EXT1: variants seen among roughly 807,000 people sequenced by gnomAD.
EXT1 encodes the protein exostosin glycosyltransferase 1.
Under a neutral mutation model 82.5 loss-of-function variants are expected in EXT1, and 20 were observed. The observed-to-expected ratio is 0.24, with a 90% CI of 0.17 to 0.35. The LOEUF is 0.35. Among genes scored for constraint, EXT1 ranks in the 10% least tolerant of loss-of-function variants. The pLI is 1.00. For synonymous variants in EXT1, 348 were observed against 350.8 expected, an observed-to-expected ratio of 0.99 and a Z score of 0.09; for missense variants, 757 against 936.5, an observed-to-expected ratio of 0.81 and a Z score of 2.50.
chr8:117,993,846 A>G (rs1467017172), intron 1 of EXT1, among the ~76,000 whole-genome samples: 4 of 152,222 alleles, frequency 2.6e-5, no homozygotes, highest in Non-Finnish European at 5.9e-5. Context: ...TAAAGAAGCC[A>G]AAGTGACAGG....
In EXT1 at chr8:118,035,053, A is replaced by C. The variant is rs570980246; in HGVS notation, c.962+75032T>G. ...AATATATTAAGCACCATGTTAAAAC[A>C]GAGTGTTGCAAAAGGGTCTTAACAG... is the stretch of plus-strand genomic sequence containing the variant. On this transcript the variant is annotated intron_variant, in intron 1 of 10. Transcript: ENST00000378204. 2.0e-5 allele frequency among the ~76,000 whole-genome samples: 3 copies of C among 152,312 alleles called. No homozygotes were observed. In the East Asian group the frequency reaches 5.8e-4, roughly 29 times the overall value.
chr8:117,890,225 T>A (rs918284564), intron 1 of EXT1, among the ~76,000 whole-genome samples: 3 of 152,208 alleles, frequency 2.0e-5, no homozygotes, highest in African/African-American at 7.2e-5. Context: ...TTGAATAATA[T>A]CAAAAGTTAT....
chr8:118,090,948 T>C (rs985992094), intron 1 of EXT1, among the ~76,000 whole-genome samples: 5 of 152,114 alleles, frequency 3.3e-5, no homozygotes, highest in Admixed American at 6.6e-5. Context: ...TGGTGCCTCA[T>C]TCATTTGCAG....
At chr8:118,084,530 G>A (rs377293128) in intron 1 of EXT1, among the ~76,000 whole-genome samples, 100 of 152,238 alleles carry the variant, frequency 6.6e-4, no homozygotes, top group African/African-American at 2.3e-3. Flanking sequence ...TAATTCAGTC[G>A]TTATTAAGCC....
At chr8:117,817,174 C>T (rs11779439) in intron 7 of EXT1, among the ~76,000 whole-genome samples, 8 of 152,068 alleles carry the variant, frequency 5.3e-5, no homozygotes, top group African/African-American at 1.7e-4. Context: ...TCACATTCCC[C>T]ACTGTGTTCC....
At chr8:117,881,576 T>C (rs1224668264) in intron 1 of EXT1, among the ~76,000 whole-genome samples, 1 of 152,182 alleles carries the variant, frequency 6.6e-6, no homozygotes, top group Non-Finnish European at 1.5e-5. Flanking sequence ...AAACCACCTC[T>C]GTGGTTCCAG....
At chr8:118,095,007 AAC>A (rs1817584782) in intron 1 of EXT1, among the ~76,000 whole-genome samples, 1 of 152,200 alleles carries the variant, frequency 6.6e-6, no homozygotes. Flanking sequence ...GCAAACATAC[AAC>A]ACACATGCAG....
At chr8:118,083,953 C>T (rs986032955) in intron 1 of EXT1, among the ~76,000 whole-genome samples, 2 of 152,196 alleles carry the variant, frequency 1.3e-5, no homozygotes, top group South Asian at 2.1e-4. Flanking sequence ...TGCTTGAACC[C>T]GGGAGGCAGA....
intron 1 of EXT1, among the ~76,000 whole-genome samples, chr8:118,056,205 A>G (rs1241537401): frequency 6.6e-6 from 1 of 152,250 alleles, no homozygotes; most frequent in Non-Finnish European, 1.5e-5. Context: ...GGTCTAACAC[A>G]ATGCTTCTCA....
intron 1 of EXT1, among the ~76,000 whole-genome samples, chr8:118,001,218 G>A (rs1166918117): frequency 6.6e-6 from 1 of 151,988 alleles, no homozygotes; most frequent in African/African-American, 2.4e-5. Context: ...AGACGGTCTC[G>A]CTCTGTCGCT....
At chr8:117,966,226 A>G (rs770865449) in intron 1 of EXT1, among the ~76,000 whole-genome samples, 1 of 152,198 alleles carries the variant, frequency 6.6e-6, no homozygotes, top group Non-Finnish European at 1.5e-5. Context: ...GCAGCATCCC[A>G]TTCCAAAACG....
chr8:118,109,960 A>G, intron 1 of EXT1, 125 bp downstream of exon 1: 2 of 1,490,248 alleles, frequency 1.3e-6, no homozygotes, highest in Non-Finnish European at 1.8e-6. Flanking sequence ...GCTCAGTTCC[A>G]GGCTCAAAGG....
At chr8:117,937,049 A>G (rs889833027) in intron 1 of EXT1, among the ~76,000 whole-genome samples, 4 of 152,142 alleles carry the variant, frequency 2.6e-5, no homozygotes, top group Non-Finnish European at 5.9e-5. Context: ...CCATCTCTAC[A>G]TCCCTTCGCT....
intron 4 of EXT1, among the ~76,000 whole-genome samples, 189 bp downstream of exon 4, chr8:117,830,041 T>C (rs896214055): frequency 1.3e-5 from 2 of 152,268 alleles, no homozygotes; most frequent in African/African-American, 2.4e-5. Context: ...TTTGTGGAGT[T>C]TGTCAGGAAT....
At chr8:117,938,338 T>C (rs1586296922) in intron 1 of EXT1, among the ~76,000 whole-genome samples, 1 of 152,156 alleles carries the variant, frequency 6.6e-6, no homozygotes, top group Admixed American at 6.5e-5. Context: ...GGCGGGGACC[T>C]GTAATCCCAG....
In EXT1 at chr8:117,932,151, A is replaced by G. The variant is rs374894246; in HGVS notation, c.963-94950T>C. On this transcript the variant is annotated intron_variant, in intron 1 of 10. Transcript: ENST00000378204. ...AAAATAGAGTCTCAGGCCAAGTTATATATTTGAGGTTTTTGGGGGGGTGCT... is the reference window on the plus strand; with the variant it reads ...AAAATAGAGTCTCAGGCCAAGTTATGTATTTGAGGTTTTTGGGGGGGTGCT... 5.5e-4 allele frequency among the ~76,000 whole-genome samples: 84 copies of G among 152,314 alleles called. No homozygotes were observed. In the South Asian group the frequency reaches 0.017, roughly 31 times the overall value.
chr8:117,939,563 C>T (rs964250762), intron 1 of EXT1, among the ~76,000 whole-genome samples: 6 of 137,636 alleles, frequency 4.4e-5, no homozygotes, highest in Non-Finnish European at 9.4e-5. Flanking sequence ...GAGTGAAACT[C>T]CATCTCTGAA....
intron 1 of EXT1, 43 bp downstream of exon 1, chr8:118,110,042 G>A (rs562494313): frequency 1.9e-6 from 3 of 1,612,582 alleles, no homozygotes; most frequent in African/African-American, 2.7e-5. Context: ...GGCCGGCAGA[G>A]CCCAAGGCTG....
intron 1 of EXT1, among the ~76,000 whole-genome samples, chr8:117,923,487 G>A (rs1021658588): frequency 9.2e-5 from 14 of 151,972 alleles, no homozygotes; most frequent in African/African-American, 3.4e-4. Context: ...GGAGGCCAAG[G>A]CGGGCAGATC....
Sources: gnomAD v4.1 joint callset for allele counts (sites outside exome capture counted in the v4.1 genomes callset) on GRCh38, gnomAD v4.1.1 for gene constraint, MANE v1.5 for transcripts, NCBI Gene and HGNC (gene_info 2026-07-23, HGNC 2026-07-21) for gene names.